Variants in NRCAM observed in about 807,000 individuals in gnomAD.
The protein encoded by NRCAM is NgCAM-related cell adhesion molecule.
Under a neutral mutation model 156.5 loss-of-function variants are expected in NRCAM, and 83 were observed. That is an observed-to-expected ratio of 0.53 (90% confidence interval 0.44 to 0.64). The LOEUF is 0.64. NRCAM is among the 30% of genes least tolerant of loss of function. The pLI, the probability that NRCAM is intolerant of heterozygous loss-of-function variation, is 0.00. For missense variants in NRCAM, 1,417 were observed against 1,597.3 expected (o/e 0.89, Z 1.92); for synonymous variants, 538 against 563.9 (o/e 0.95, Z 0.65).
Position 108,182,888 on chromosome 7 carries a change from G to T in NRCAM, c.2337C>A (p.Gly779=), listed in dbSNP as rs1215504710. ...PLNGFESNGP[G]LQYKVSWRQK... is the part of the protein sequence containing the mutation. ...GGCGCCAGCTAACTTTGTACTGAAG[G>T]CCTGGCCCATTAGATTCGAAACCAT... The change falls in exon 23 of 33, where the codon GGC becomes GGA. Residue 779 remains glycine (G), a synonymous_variant. Transcript: ENST00000379028. The T allele has an allele frequency of 6.2e-7, 1 of 1,614,178 alleles. No individual in the cohort carries two copies. Among genetic ancestry groups the T allele is most frequent in the Non-Finnish European group, 8.5e-7 (1 of 1,180,024 alleles).
intron 28 of NRCAM, among the ~76,000 whole-genome samples, chr7:108,171,236 A>G (rs941587238): frequency 2.0e-5 from 3 of 151,868 alleles, no homozygotes; most frequent in South Asian, 2.1e-4. Context: ...CTCTGTAGAT[A>G]CCGCCAGTGT....
chr7:108,390,120 A>G (rs1428235579), intron 2 of NRCAM, among the ~76,000 whole-genome samples: 1 of 152,114 alleles, frequency 6.6e-6, no homozygotes, highest in Non-Finnish European at 1.5e-5. Context: ...ATAGTTTCAG[A>G]AGGAATGGTA....
intron 1 of NRCAM, among the ~76,000 whole-genome samples, chr7:108,428,315 A>T (rs112640098): frequency 0.013 from 1,934 of 152,316 alleles, 32 homozygotes; most frequent in African/African-American, 0.044. Context: ...CATAGCCTGT[A>T]TCAGTTGTGC....
chr7:108,401,201 C>A (rs559468827), intron 1 of NRCAM, among the ~76,000 whole-genome samples: 6 of 152,256 alleles, frequency 3.9e-5, no homozygotes, highest in African/African-American at 1.4e-4. Flanking sequence ...GATGGCGCCA[C>A]TGCACCAGCC....
At chr7:108,169,408 A>G (rs1281181208) in intron 28 of NRCAM, among the ~76,000 whole-genome samples, 4 of 152,234 alleles carry the variant, frequency 2.6e-5, no homozygotes, top group Non-Finnish European at 5.9e-5. Flanking sequence ...TAGGATAGTC[A>G]ATCAGACAGC....
At chr7:108,441,454 T>A (rs913453276) in intron 1 of NRCAM, among the ~76,000 whole-genome samples, 1 of 152,248 alleles carries the variant, frequency 6.6e-6, no homozygotes, top group Non-Finnish European at 1.5e-5. Flanking sequence ...ATCTACACTT[T>A]CCTAAATAGC....
intron 2 of NRCAM, among the ~76,000 whole-genome samples, chr7:108,337,519 A>C (rs1218334960): frequency 2.0e-5 from 3 of 152,162 alleles, no homozygotes; most frequent in Non-Finnish European, 2.9e-5. Flanking sequence ...TGCCACTCCC[A>C]ATCGGGCTAA....
chr7:108,446,528 G>T (rs1844372477), intron 1 of NRCAM, among the ~76,000 whole-genome samples: 1 of 152,130 alleles, frequency 6.6e-6, no homozygotes, highest in Non-Finnish European at 1.5e-5. Context: ...AGCAGCTCAG[G>T]CTCCTCGCAG....
At chr7:108,221,749 C>G (rs911662626) in intron 11 of NRCAM, among the ~76,000 whole-genome samples, 1 of 151,998 alleles carries the variant, frequency 6.6e-6, no homozygotes, top group Non-Finnish European at 1.5e-5. Flanking sequence ...TAGAGTACAG[C>G]GTATATTGTT....
At position 108,184,227 on chromosome 7, in the gene NRCAM, G is replaced by GCA; in HGVS notation, c.2304+12_2304+13dup. On this transcript the variant is annotated intron_variant, in intron 22 of 32. Transcript: ENST00000379028. ...TAAAAAATAGCGAATAAATTTGAAG[G>GCA]CATCATAGCTCACCTTCCACGTAAT... 6.3e-7 allele frequency: 1 copy of GCA among 1,598,418 alleles called. No homozygotes were observed. Among genetic ancestry groups the GCA allele is most frequent in the Non-Finnish European group, 8.6e-7 (1 of 1,167,080 alleles).
At chr7:108,199,711 G>A (rs1485479486) in intron 13 of NRCAM, among the ~76,000 whole-genome samples, 1 of 152,028 alleles carries the variant, frequency 6.6e-6, no homozygotes, top group East Asian at 1.9e-4. Context: ...AATTAAATTG[G>A]GCCCAAATTA....
intron 2 of NRCAM, among the ~76,000 whole-genome samples, chr7:108,359,968 TG>T (rs2154315395): frequency 6.6e-6 from 1 of 152,356 alleles, no homozygotes; most frequent in South Asian, 2.1e-4. Context: ...ATATAACATG[TG>T]CTCTTGTTTC....
chr7:108,285,003 A>G (rs762911305), intron 3 of NRCAM, among the ~76,000 whole-genome samples: 10 of 152,242 alleles, frequency 6.6e-5, no homozygotes, highest in Non-Finnish European at 1.2e-4. Context: ...TGAACAACAG[A>G]CGGGTGAGAC....
At chr7:108,445,446 T>A (rs1347669026) in intron 1 of NRCAM, among the ~76,000 whole-genome samples, 1 of 152,230 alleles carries the variant, frequency 6.6e-6, no homozygotes, top group East Asian at 1.9e-4. Flanking sequence ...AGTAGCCACA[T>A]GTATTGTTAA....
intron 2 of NRCAM, among the ~76,000 whole-genome samples, chr7:108,366,468 C>A (rs2099592342): frequency 6.6e-6 from 1 of 152,108 alleles, no homozygotes; most frequent in Non-Finnish European, 1.5e-5. Flanking sequence ...CAGAGGTCTG[C>A]CAGTGTAAGG....
At chr7:108,319,827 G>A (rs1278990441) in intron 2 of NRCAM, among the ~76,000 whole-genome samples, 1 of 152,186 alleles carries the variant, frequency 6.6e-6, no homozygotes, top group Non-Finnish European at 1.5e-5. Context: ...AAGAGGGACA[G>A]GTCTGATGAG....
intron 6 of NRCAM, among the ~76,000 whole-genome samples, chr7:108,233,703 G>GC (rs1383236571): frequency 6.6e-6 from 1 of 152,078 alleles, no homozygotes; most frequent in Non-Finnish European, 1.5e-5. Context: ...TTTCTCAGGG[G>GC]CCAGTTTGTG....
rs58927797 is a variant in NRCAM at position 108,242,553 on chromosome 7, C to T, written c.-106-2383G>A. Among the ~76,000 whole-genome samples the T allele has an allele frequency of 2.6e-5, 4 of 152,280 alleles. No individual in the cohort carries two copies. The East Asian group carries it at 7.7e-4, about 29-fold the overall frequency. Reference sequence around the variant, plus strand: ...CTCTCGTGAGTTTTTGGTTGAAACACTAATTTTGAATTCACATAAGCTTTA... The same window carrying T: ...CTCTCGTGAGTTTTTGGTTGAAACATTAATTTTGAATTCACATAAGCTTTA... On this transcript the variant is annotated intron_variant, in intron 3 of 32. Transcript: ENST00000379028.
intron 1 of NRCAM, among the ~76,000 whole-genome samples, chr7:108,443,491 C>A (rs938643971): frequency 1.3e-5 from 2 of 152,328 alleles, no homozygotes; most frequent in African/African-American, 4.8e-5. Flanking sequence ...TACCCTGCCC[C>A]ACTGAAGGCT....
Sources: allele counts gnomAD v4.1 joint callset (sites outside exome capture counted in the v4.1 genomes callset), GRCh38; gene constraint gnomAD v4.1.1; transcripts MANE v1.5; gene names NCBI Gene and HGNC (gene_info 2026-07-23, HGNC 2026-07-21).